The following AFAP1 variants were observed in gnomAD, a reference collection of about 807,000 sequenced individuals.
AFAP1 encodes the protein actin filament-associated protein 1.
A neutral mutation model predicts 93.9 loss-of-function variants in AFAP1; 75 were observed. That is an observed-to-expected ratio of 0.80 (90% CI 0.66 to 0.97). The LOEUF is 0.97. AFAP1 is among the 50% of genes least tolerant of loss of function. The pLI is 0.00. For missense variants in AFAP1, 1,201 were observed against 1,050.8 expected, an observed-to-expected ratio of 1.14 and a Z score of -1.98; for synonymous variants, 517 against 430.7, an observed-to-expected ratio of 1.20 and a Z score of -2.48.
rs1046605673 is a variant in AFAP1 at position 7,939,238 on chromosome 4, G to T, written c.-3+418C>A. On this transcript the variant is annotated intron_variant, in intron 1 of 17. Transcript: ENST00000420658. This position sits in a 1 kb window ranked among gnomAD's most constrained non-coding sequence, Gnocchi z 5.6. ...TCCGAGGGTCCGCGCAGTCCCCTCG[G>T]TAAGTCGGACGAAGCAGTCTCGCTA... is the stretch of plus-strand genomic sequence containing the variant. 2 of 269,082 alleles carry T rather than the reference G, an allele frequency of 7.4e-6. No individual in the cohort carries two copies. Among genetic ancestry groups the T allele is most frequent in the Admixed American group, 1.0e-4 (2 of 19,832 alleles). The allele number at this position is 269,082 out of a possible 1,614,324, so 16.7% of individuals were successfully genotyped here.
Position 7,838,706 on chromosome 4 carries a change from G to T in AFAP1, c.547-3C>A. On this transcript the variant is annotated splice_polypyrimidine_tract_variant and splice_region_variant and intron_variant, in intron 5 of 17. Coordinates refer to ENST00000420658, the MANE Select transcript of AFAP1 (RefSeq NM_001134647.2). Reference sequence around the variant, plus strand: ...TGGTCCTTGGAACTTTTATAGCACTGCATTCAACACAACAAATCAACTGAT... The same window carrying T: ...TGGTCCTTGGAACTTTTATAGCACTTCATTCAACACAACAAATCAACTGAT... 1.2e-6 allele frequency: 2 copies of T among 1,613,542 alleles called. No individual in the cohort carries two copies. Among genetic ancestry groups the T allele is most frequent in the Non-Finnish European group, 1.7e-6 (2 of 1,179,682 alleles).
chr4:7,786,209 C>T lies in AFAP1; in HGVS notation c.1515G>A (p.Pro505=), dbSNP rs756595397. 6.7e-5 allele frequency: 108 copies of T among 1,613,936 alleles called. No homozygotes were observed. Among genetic ancestry groups the T allele is most frequent in the Admixed American group, 2.3e-4 (14 of 59,982 alleles). Residue 505 remains proline (P), a synonymous_variant, in exon 12 of 18, where the codon CCG becomes CCA. Coordinates refer to ENST00000420658, the MANE Select transcript of AFAP1 (RefSeq NM_001134647.2). The part of the protein sequence containing the change: ...SGTALHYDDV[P]CINGSWEPED... Reference sequence around the variant, plus strand: ...GGGCACTCACCGAGCCGTTGATGCACGGGACATCGTCATAATGAAGTGCCG... The same window carrying T: ...GGGCACTCACCGAGCCGTTGATGCATGGGACATCGTCATAATGAAGTGCCG...
At chr4:7,915,712 A>T (rs979780846) in intron 1 of AFAP1, among the ~76,000 whole-genome samples, 4 of 152,244 alleles carry the variant, frequency 2.6e-5, no homozygotes, top group Non-Finnish European at 5.9e-5. Flanking sequence ...TCTGCTGGTT[A>T]AGGCTGAGGA....
Position 7,780,477 on chromosome 4 carries a change from G to C in AFAP1, c.1782+899C>G, listed in dbSNP as rs116604210. Among the ~76,000 whole-genome samples the C allele has an allele frequency of 4.1e-3, 628 of 152,194 alleles. 2 individuals are homozygous for C. The highest frequency in any genetic ancestry group is 0.015 in the African/African-American group (604 of 41,510). On this transcript the variant is annotated intron_variant, in intron 13 of 17. Coordinates refer to ENST00000420658, the MANE Select transcript of AFAP1 (RefSeq NM_001134647.2). ...CTATATATTCATATTCTTACATATG[G>C]GCTTAGGTCTTTAGGCAAAGCATGA...
rs144287896 is a variant in AFAP1 at position 7,808,138 on chromosome 4, G to A, written c.1054+1476C>T. ...TGATGGGCTCACACTGCAGGGAGCT[G>A]AGTGAGCCGCAATAGTACACAAGGA... On this transcript the variant is annotated intron_variant, in intron 9 of 17. Transcript: ENST00000420658. 7.9e-5 allele frequency among the ~76,000 whole-genome samples: 12 copies of A among 152,324 alleles called. No homozygotes were observed. In the East Asian group the frequency reaches 1.9e-3, roughly 25 times the overall value.
At chr4:7,924,668 T>C (rs1280160391) in intron 1 of AFAP1, among the ~76,000 whole-genome samples, 2 of 152,118 alleles carry the variant, frequency 1.3e-5, no homozygotes, top group African/African-American at 4.8e-5. Context: ...AAACAGACCA[T>C]GCCTGACCAT....
chr4:7,838,711 C>T lies in AFAP1; in HGVS notation c.547-8G>A, dbSNP rs117170103. The T allele has an allele frequency of 1.1e-3, 1,706 of 1,612,980 alleles. 25 individuals are homozygous for T. The East Asian group carries it at 0.034, about 32-fold the overall frequency. Reference sequence around the variant, plus strand: ...CTTGGAACTTTTATAGCACTGCATTCAACACAACAAATCAACTGATATTAT... The same window carrying T: ...CTTGGAACTTTTATAGCACTGCATTTAACACAACAAATCAACTGATATTAT... On this transcript the variant is annotated splice_polypyrimidine_tract_variant and splice_region_variant and intron_variant, in intron 5 of 17. Transcript: ENST00000420658.
intron 11 of AFAP1, among the ~76,000 whole-genome samples, chr4:7,790,451 G>C (rs1343415307): frequency 6.6e-6 from 1 of 152,168 alleles, no homozygotes; most frequent in African/African-American, 2.4e-5. Flanking sequence ...AAGCCAAGCT[G>C]TATTCTAGGG....
At chr4:7,847,977 G>A (rs953951750) in intron 4 of AFAP1, among the ~76,000 whole-genome samples, 2 of 151,802 alleles carry the variant, frequency 1.3e-5, no homozygotes, top group Non-Finnish European at 2.9e-5. Context: ...GAAGCCATAG[G>A]AGATTGACAG....
chr4:7,905,761 G>A (rs1162018927), intron 1 of AFAP1, among the ~76,000 whole-genome samples: 5 of 152,170 alleles, frequency 3.3e-5, no homozygotes, highest in African/African-American at 4.8e-5. Flanking sequence ...AGCACACACA[G>A]GGAAGGCAAG....
chr4:7,781,725 A>C (rs1716794195), intron 12 of AFAP1, 98 bp from the exon 13 acceptor site: 2 of 1,457,966 alleles, frequency 1.4e-6, no homozygotes, highest in Non-Finnish European at 9.2e-7. Flanking sequence ...GGCATTTAGC[A>C]TACATTGGCA....
chr4:7,798,267 C>A (rs1314761181), intron 10 of AFAP1, among the ~76,000 whole-genome samples: 1 of 145,738 alleles, frequency 6.9e-6, no homozygotes, highest in African/African-American at 2.6e-5. Context: ...TGGCTCACGG[C>A]ACTGCAACTC....
At chr4:7,830,011 A>G (rs566943607) in intron 6 of AFAP1, among the ~76,000 whole-genome samples, 1 of 152,324 alleles carries the variant, frequency 6.6e-6, no homozygotes, top group South Asian at 2.1e-4. Flanking sequence ...AGTATGGTCT[A>G]TTCATACAAT....
intron 1 of AFAP1, chr4:7,872,374 T>C (rs1305826920): frequency 3.7e-6 from 1 of 266,684 alleles, no homozygotes; most frequent in African/African-American, 2.2e-5. Flanking sequence ...ACGTCATCAT[T>C]TGGTGTCAAT....
Position 7,771,624 on chromosome 4 carries a change from C to T in AFAP1, c.2253+1196G>A, listed in dbSNP as rs537155513. Among the ~76,000 whole-genome samples the T allele has an allele frequency of 2.9e-4, 44 of 152,234 alleles. No individual in the cohort carries two copies. The South Asian group carries it at 6.8e-3, about 24-fold the overall frequency. On this transcript the variant is annotated intron_variant, in intron 16 of 17. Coordinates refer to ENST00000420658, the MANE Select transcript of AFAP1 (RefSeq NM_001134647.2). The stretch of plus-strand genomic sequence containing the variant: ...GTCCACACACAGTCTATGCAGCGAC[C>T]GTTATTATTTACAGATGAAAAACTC...
intron 7 of AFAP1, 140 bp downstream of exon 7, chr4:7,818,936 A>T: frequency 1.3e-6 from 1 of 746,500 alleles, no homozygotes. Context: ...GCAGGCAGTT[A>T]AAAAGATGGG....
At chr4:7,768,736 A>G in intron 17 of AFAP1, 108 bp downstream of exon 17, 1 of 1,336,526 alleles carries the variant, frequency 7.5e-7, no homozygotes, top group Non-Finnish European at 9.9e-7. Context: ...CTGAGTGCCA[A>G]GTGGATGCAG....
At position 7,781,452 on chromosome 4, in the gene AFAP1, T is replaced by C. The variant is rs1422542695; in HGVS notation, c.1706A>G (p.Tyr569Cys). The C allele has an allele frequency of 5.8e-6, 9 of 1,551,982 alleles. No individual in the cohort carries two copies. Among genetic ancestry groups the C allele is most frequent in the Non-Finnish European group, 7.8e-6 (9 of 1,147,094 alleles). ...AGACTGAGCGGAGGCAGGGTATTTGTAATGGTTAGAGGACAGCTTGTCAGC... is the reference window on the plus strand; with the variant it reads ...AGACTGAGCGGAGGCAGGGTATTTGCAATGGTTAGAGGACAGCTTGTCAGC... ...LSADKLSSNH[Y>C]KYPASAQSVT... Residue 569 changes from tyrosine (Y) to cysteine (C), a missense_variant, in exon 13 of 18, where the codon TAC (tyrosine) becomes TGC (cysteine). By Grantham distance (194) the Tyr-to-Cys change is radical (BLOSUM62 -2). Transcript: ENST00000420658.
At chr4:7,764,897 G>A (rs770961221) in intron 17 of AFAP1, among the ~76,000 whole-genome samples, 3 of 152,192 alleles carry the variant, frequency 2.0e-5, no homozygotes, top group African/African-American at 7.2e-5. Flanking sequence ...TGTGATGCCA[G>A]GAGTTTAAGA....
Sources: gnomAD v4.1 joint callset for allele counts (sites outside exome capture counted in the v4.1 genomes callset) on GRCh38, gnomAD v4.1.1 for gene constraint, Gnocchi (gnomAD v3.1) non-coding constraint, MANE v1.5 for transcripts, NCBI Gene and HGNC (gene_info 2026-07-23, HGNC 2026-07-21) for gene names.